PTPRG: variants seen among roughly 807,000 people sequenced by gnomAD.
The protein encoded by PTPRG is protein tyrosine phosphatase receptor type G, also known as receptor-type tyrosine-protein phosphatase gamma.
In PTPRG, 102 loss-of-function variants were observed where a neutral mutation model predicts 165.3. The observed-to-expected ratio is 0.62, with a 90% CI of 0.53 to 0.73. The LOEUF (loss-of-function observed/expected upper bound fraction) is 0.73, where lower values mean the gene tolerates loss of function less well. Among genes scored for constraint, PTPRG ranks in the 30% least tolerant of loss-of-function variants. PTPRG has a pLI of 0.00. For missense variants in PTPRG, 1,866 were observed against 1,861.4 expected (o/e 1.00, Z -0.05); for synonymous variants, 675 against 669.5 (o/e 1.01, Z -0.13).
intron 28 of PTPRG, among the ~76,000 whole-genome samples, chr3:62,286,215 G>A (rs569801570): frequency 5.9e-4 from 90 of 152,234 alleles, no homozygotes; most frequent in African/African-American, 1.9e-3. Flanking sequence ...AGCAAAGGCT[G>A]CAAAGACACC....
At position 62,206,912 on chromosome 3, in the gene PTPRG, CAAAAAAAAAAA is replaced by C. The variant is rs556974355; in HGVS notation, c.2155+2979_2155+2989del. ...CCACTGACAGAGCAAGACTCTGTCT[CAAAAAAAAAAA>C]AAAAAAAAAAAAAAAAGAAGGACCT... On this transcript the variant is annotated intron_variant, in intron 12 of 29. Coordinates refer to ENST00000474889, the MANE Select transcript of PTPRG (RefSeq NM_002841.4). 2.4e-4 allele frequency among the ~76,000 whole-genome samples: 9 copies of C among 37,336 alleles called. 1 individual carries two copies. The East Asian group carries it at 4.3e-3, about 18-fold the overall frequency. 24.5% of individuals were successfully genotyped at this position (37,336 alleles called of 152,430 possible).
At chr3:61,836,069 A>C in intron 2 of PTPRG, among the ~76,000 whole-genome samples, 1 of 141,218 alleles carries the variant, frequency 7.1e-6, no homozygotes, top group African/African-American at 2.6e-5. Flanking sequence ...CACCAAAAAA[A>C]AAAATATATA....
At chr3:61,589,042 T>G (rs1441577763) in intron 1 of PTPRG, among the ~76,000 whole-genome samples, 1 of 152,202 alleles carries the variant, frequency 6.6e-6, no homozygotes, top group Non-Finnish European at 1.5e-5. Context: ...CACTGCCTAT[T>G]CTGTACAGCT....
chr3:61,906,527 T>G (rs1487217168), intron 2 of PTPRG, among the ~76,000 whole-genome samples: 1 of 152,042 alleles, frequency 6.6e-6, no homozygotes, highest in Non-Finnish European at 1.5e-5. Flanking sequence ...CTCAGCACTT[T>G]GTGAGGTCGA....
chr3:61,706,523 C>T (rs1224712434), intron 1 of PTPRG, among the ~76,000 whole-genome samples: 1 of 147,048 alleles, frequency 6.8e-6, no homozygotes, highest in Non-Finnish European at 1.5e-5. Context: ...GATGAAGTCT[C>T]GCTCTTGTCC....
At chr3:61,794,244 T>TG (rs375819376) in intron 2 of PTPRG, among the ~76,000 whole-genome samples, 12 of 152,280 alleles carry the variant, frequency 7.9e-5, no homozygotes, top group Middle Eastern at 3.4e-3. Context: ...GACTTGTGTG[T>TG]GGGGGGTATC....
chr3:62,013,220 A>G (rs1296350686), intron 4 of PTPRG, among the ~76,000 whole-genome samples: 2 of 152,210 alleles, frequency 1.3e-5, no homozygotes, highest in Non-Finnish European at 1.5e-5. Context: ...TCGCTGAGAC[A>G]TAGTACATTC....
intron 2 of PTPRG, among the ~76,000 whole-genome samples, chr3:61,886,860 C>G (rs2038051233): frequency 6.7e-6 from 1 of 149,190 alleles, no homozygotes; most frequent in Non-Finnish European, 1.5e-5. Flanking sequence ...CATAGACTCT[C>G]TGTATCCTGG....
intron 6 of PTPRG, among the ~76,000 whole-genome samples, chr3:62,142,456 C>T (rs1431058398): frequency 1.3e-5 from 2 of 152,084 alleles, no homozygotes; most frequent in African/African-American, 2.4e-5. Context: ...CATTTTTCAA[C>T]AGTACCTTGA....
chr3:61,606,293 T>A (rs977001676), intron 1 of PTPRG, among the ~76,000 whole-genome samples: 1 of 152,176 alleles, frequency 6.6e-6, no homozygotes, highest in African/African-American at 2.4e-5. Context: ...GCGACGTGGC[T>A]GTCTCCACAA....
At chr3:61,720,121 ATT>A (rs796288666) in intron 1 of PTPRG, among the ~76,000 whole-genome samples, 1 of 144,432 alleles carries the variant, frequency 6.9e-6, no homozygotes. Flanking sequence ...TGACAAGGGA[ATT>A]TTTTTTTTTT....
intron 26 of PTPRG, among the ~76,000 whole-genome samples, chr3:62,279,655 T>A (rs960685183): frequency 2.0e-5 from 3 of 152,100 alleles, no homozygotes; most frequent in African/African-American, 4.8e-5. Context: ...ACAGACTTCT[T>A]TTGTATAGAC....
intron 2 of PTPRG, among the ~76,000 whole-genome samples, chr3:61,938,135 T>G (rs1252862980): frequency 6.6e-6 from 1 of 152,074 alleles, no homozygotes; most frequent in East Asian, 1.9e-4. Flanking sequence ...GCATTTAAAT[T>G]TCTTTCTCTG....
At chr3:61,803,000 A>G (rs2035295251) in intron 2 of PTPRG, among the ~76,000 whole-genome samples, 1 of 152,230 alleles carries the variant, frequency 6.6e-6, no homozygotes, top group African/African-American at 2.4e-5. Flanking sequence ...ACTAGGGCAC[A>G]CAGGCCAAAT....
chr3:61,778,909 A>G (rs572278402), intron 2 of PTPRG, among the ~76,000 whole-genome samples: 107 of 152,236 alleles, frequency 7.0e-4, no homozygotes, highest in Non-Finnish European at 1.2e-3. Flanking sequence ...AGCAAAGCAA[A>G]GTGAGAGAGA....
chr3:62,193,946 G>A (rs1339894549), intron 9 of PTPRG, among the ~76,000 whole-genome samples: 1 of 152,190 alleles, frequency 6.6e-6, no homozygotes, highest in Non-Finnish European at 1.5e-5. Flanking sequence ...AGCAAGTGCT[G>A]CCTGTTTTTT....
At chr3:61,804,395 T>C (rs907475240) in intron 2 of PTPRG, among the ~76,000 whole-genome samples, 9 of 152,216 alleles carry the variant, frequency 5.9e-5, no homozygotes, top group Non-Finnish European at 1.2e-4. Context: ...AACCAATTTC[T>C]TTGTAAAGGG....
At chr3:61,913,540 C>G (rs1204836733) in intron 2 of PTPRG, among the ~76,000 whole-genome samples, 1 of 152,118 alleles carries the variant, frequency 6.6e-6, no homozygotes, top group African/African-American at 2.4e-5. Context: ...TTTTCTGATT[C>G]ATACAGATGC....
At chr3:61,659,286 C>T (rs7618977) in intron 1 of PTPRG, 1 of 984,468 alleles carries the variant, frequency 1.0e-6, no homozygotes, top group Non-Finnish European at 1.2e-6. Context: ...TTTCTTTCAT[C>T]GACAAAGGCA....
Sources: gnomAD v4.1 joint callset for allele counts (sites outside exome capture counted in the v4.1 genomes callset) on GRCh38, gnomAD v4.1.1 for gene constraint, MANE v1.5 for transcripts, NCBI Gene and HGNC (gene_info 2026-07-23, HGNC 2026-07-21) for gene names.